MYOF: variants seen among roughly 807,000 people sequenced by gnomAD.
The protein encoded by MYOF is fer-1-like 3, myoferlin.
In MYOF, 244 loss-of-function variants were observed where a neutral mutation model predicts 284.2. The observed-to-expected ratio is 0.86, with a 90% CI of 0.77 to 0.95. MYOF has a LOEUF of 0.95. Among genes scored for constraint, MYOF ranks in the 40% least tolerant of loss-of-function variants. The pLI is 0.00. For synonymous variants in MYOF, 904 were observed against 919.7 expected (o/e 0.98, Z 0.31); for missense variants, 2,496 against 2,560.6 (o/e 0.97, Z 0.54).
At position 93,353,868 on chromosome 10, in the gene MYOF, G is replaced by A. The variant is rs543442746; in HGVS notation, c.3424C>T (p.Arg1142Cys). 1.9e-5 allele frequency: 30 copies of A among 1,609,262 alleles called. No individual in the cohort carries two copies. The highest frequency in any genetic ancestry group is 4.5e-5 in the East Asian group (2 of 44,750). Reference sequence around the variant, plus strand: ...TTTCTGGCTTGATAGACATAGCAGCGCAGATGGTAGATGTAGACTCCTAAA... The same window carrying A: ...TTTCTGGCTTGATAGACATAGCAGCACAGATGGTAGATGTAGACTCCTAAA... ...NFDRVYIYHL[R>C]CYVYQARNLL... The change falls in exon 32 of 54, where the codon CGC becomes TGC. Residue 1142 changes from arginine to cysteine, a missense_variant. Transcript: ENST00000359263.
intron 5 of MYOF, among the ~76,000 whole-genome samples, chr10:93,422,144 C>T (rs1848381555): frequency 6.6e-6 from 1 of 152,212 alleles, no homozygotes; most frequent in African/African-American, 2.4e-5. Context: ...ATAGAAATTT[C>T]ACTCTGTCAT....
chr10:93,418,317 C>A (rs975634708), intron 5 of MYOF, among the ~76,000 whole-genome samples: 1 of 152,160 alleles, frequency 6.6e-6, no homozygotes, highest in Admixed American at 6.6e-5. Flanking sequence ...GGAGATAACA[C>A]ATTTTCTTAG....
chr10:93,416,509 C>T (rs1395643590), intron 5 of MYOF, among the ~76,000 whole-genome samples: 1 of 151,662 alleles, frequency 6.6e-6, no homozygotes, highest in Admixed American at 6.6e-5. Context: ...GGCAACAGAG[C>T]GAGACTCCAT....
At chr10:93,440,143 G>A (rs1239415002) in intron 3 of MYOF, among the ~76,000 whole-genome samples, 1 of 152,212 alleles carries the variant, frequency 6.6e-6, no homozygotes, top group African/African-American at 2.4e-5. Flanking sequence ...GCTGGGTGCA[G>A]TGGCTCATGC....
chr10:93,448,712 G>C (rs2056506937), intron 3 of MYOF, among the ~76,000 whole-genome samples: 1 of 152,104 alleles, frequency 6.6e-6, no homozygotes, highest in African/African-American at 2.4e-5. Context: ...AGGCAAGAGG[G>C]AGCTGGGTGC....
chr10:93,356,639 C>T (rs149830177), intron 30 of MYOF, 36 bp downstream of exon 30: 33 of 1,590,800 alleles, frequency 2.1e-5, no homozygotes, highest in Non-Finnish European at 2.5e-5. Flanking sequence ...TTTCTCTACA[C>T]CAATATGATC....
At position 93,426,091 on chromosome 10, in the gene MYOF, G is replaced by A; in HGVS notation, c.413C>T (p.Pro138Leu). The change falls in exon 5 of 54, where the codon CCC becomes CTC. Residue 138 changes from proline to leucine, a missense_variant. By Grantham distance (98) the Pro-to-Leu change is moderately conservative. Around this residue, in one of 3 missense-constraint regions of MYOF, gnomAD observed 2,436 missense variants for 2,480.7 expected, o/e 0.98. Transcript: ENST00000359263. ...CTTACCTCCCATGCCTGGCACGCTG[G>A]GCCCGCTCAGGTCATTTGGATGTGG... ...SAPHPNDLSG[P>L]SVPGMGGDGE... 1 of 1,558,212 alleles carries A rather than the reference G, an allele frequency of 6.4e-7. No homozygotes were observed. The highest frequency in any genetic ancestry group is 1.2e-5 in the South Asian group (1 of 84,496).
At chr10:93,435,392 AC>A (rs1044774873) in intron 3 of MYOF, among the ~76,000 whole-genome samples, 1 of 152,206 alleles carries the variant, frequency 6.6e-6, no homozygotes, top group Middle Eastern at 3.2e-3. Flanking sequence ...TCAGCTAGAT[AC>A]CATTTGTGAT....
At position 93,351,484 on chromosome 10, in the gene MYOF, G is replaced by A. The variant is rs201019922; in HGVS notation, c.3751C>T (p.His1251Tyr). 1.4e-5 allele frequency: 23 copies of A among 1,614,110 alleles called. No individual in the cohort carries two copies. Among genetic ancestry groups the A allele is most frequent in the Non-Finnish European group, 1.9e-5 (22 of 1,180,040 alleles). The change falls in exon 34 of 54, where the codon CAC (histidine) becomes TAC (tyrosine). Residue 1251 changes from histidine (H) to tyrosine (Y), a missense_variant. This residue lies in a region of MYOF where 2,436 missense variants were observed against 2,480.7 expected (regional missense o/e 0.98). Coordinates refer to ENST00000359263, the MANE Select transcript of MYOF (RefSeq NM_013451.4). Reference protein sequence around the residue: ...EMDITPKLLWHPVMNGDKACG... With the variant: ...EMDITPKLLWYPVMNGDKACG... ...GCTTTGTCTCCATTCATTACTGGGTGCCAGAGAAGTTTGGGTGTGATGTCC... is the reference window on the plus strand; with the variant it reads ...GCTTTGTCTCCATTCATTACTGGGTACCAGAGAAGTTTGGGTGTGATGTCC...
In MYOF at chr10:93,363,960, C is replaced by G. The variant is rs1173778713; in HGVS notation, c.2868+1G>C. ...GTTTCTCTCCGGAGCAGGCCACTCA[C>G]CGCATCCGTGTAGGTGTCCTCGGCC... On this transcript the variant is annotated splice_donor_variant, in intron 27 of 53. Coordinates refer to ENST00000359263, the MANE Select transcript of MYOF (RefSeq NM_013451.4). LOFTEE classifies it high-confidence loss of function. 6.2e-7 allele frequency: 1 copy of G among 1,613,860 alleles called. No homozygotes were observed. The highest frequency in any genetic ancestry group is 1.1e-5 in the South Asian group (1 of 91,046).
Position 93,387,868 on chromosome 10 carries a change from T to C in MYOF, c.1627A>G (p.Thr543Ala), listed in dbSNP as rs1472723983. ...TCTGGTGGTGTCTTCTCAAGAAAAGTGGCTAATTCAACCAAGATCCTGCCT... is the reference window on the plus strand; with the variant it reads ...TCTGGTGGTGTCTTCTCAAGAAAAGCGGCTAATTCAACCAAGATCCTGCCT... Reference protein sequence around the residue: ...YRGRILVELATFLEKTPPDKK... With the variant: ...YRGRILVELAAFLEKTPPDKK... Residue 543 changes from threonine to alanine, a missense_variant, in exon 19 of 54, where the codon ACT (threonine) becomes GCT (alanine). Physicochemically the swap from Thr to Ala is moderately conservative, Grantham distance 58 (BLOSUM62 0). Around this residue, in one of 3 missense-constraint regions of MYOF, gnomAD observed 2,436 missense variants for 2,480.7 expected, o/e 0.98. Coordinates refer to ENST00000359263, the MANE Select transcript of MYOF (RefSeq NM_013451.4). 2 of 1,614,156 alleles carry C rather than the reference T, an allele frequency of 1.2e-6. No homozygotes were observed. Among genetic ancestry groups the C allele is most frequent in the Non-Finnish European group, 1.7e-6 (2 of 1,180,026 alleles).
At chr10:93,452,207 T>C in intron 2 of MYOF, 66 bp from the exon 3 acceptor site, 2 of 969,378 alleles carry the variant, frequency 2.1e-6, no homozygotes, top group Non-Finnish European at 3.3e-6. Context: ...GAGATTACAC[T>C]AAGATGCACC....
In MYOF at chr10:93,351,519, T is replaced by C. The variant is rs761564062; in HGVS notation, c.3716A>G (p.Asn1239Ser). Reference sequence around the variant, plus strand: ...TTTGGGTGTGATGTCCATTTCTGAGTTCAGTTTCACCACAGGAGAGAAAAT... The same window carrying C: ...TTTGGGTGTGATGTCCATTTCTGAGCTCAGTTTCACCACAGGAGAGAAAAT... ...RSIFSPVVKLNSEMDITPKLL... is the reference protein window; with the variant it reads ...RSIFSPVVKLSSEMDITPKLL... The change falls in exon 34 of 54, where the codon AAC becomes AGC. Residue 1239 changes from asparagine to serine, a missense_variant. Transcript: ENST00000359263. 6.8e-6 allele frequency: 11 copies of C among 1,614,176 alleles called. No homozygotes were observed. Among genetic ancestry groups the C allele is most frequent in the Non-Finnish European group, 9.3e-6 (11 of 1,180,018 alleles).
intron 35 of MYOF, 141 bp downstream of exon 35, chr10:93,351,056 C>A (rs940890655): frequency 2.3e-6 from 2 of 852,904 alleles, no homozygotes; most frequent in South Asian, 1.6e-5. Context: ...CCCATGAATA[C>A]CTCCAGTTTT....
In MYOF at chr10:93,361,485, A is replaced by C; in HGVS notation, c.2941T>G (p.Ser981Ala). ...PGWEWEDDAW[S>A]YDINRAVDEK... ...TCCACCGCTCGATTTATGTCATAAGACCATGCATCATCTTCCCATTCCCAA... is the reference window on the plus strand; with the variant it reads ...TCCACCGCTCGATTTATGTCATAAGCCCATGCATCATCTTCCCATTCCCAA... The change falls in exon 28 of 54, where the codon TCT (serine) becomes GCT (alanine). Residue 981 changes from serine to alanine, a missense_variant. Coordinates refer to ENST00000359263, the MANE Select transcript of MYOF (RefSeq NM_013451.4). 6.2e-7 allele frequency: 1 copy of C among 1,614,162 alleles called. No homozygotes were observed. Among genetic ancestry groups the C allele is most frequent in the Non-Finnish European group, 8.5e-7 (1 of 1,180,024 alleles).
intron 38 of MYOF, chr10:93,341,914 T>G (rs942781406): frequency 7.8e-7 from 1 of 1,289,756 alleles, no homozygotes; most frequent in Non-Finnish European, 1.0e-6. Context: ...CATACATACA[T>G]GCACTGTCGC....
rs557951217 is a variant in MYOF, at chr10:93,396,220, G to A, written c.1339C>T (p.Arg447Cys). 2.1e-5 allele frequency: 34 copies of A among 1,583,076 alleles called. No homozygotes were observed. Among genetic ancestry groups the A allele is most frequent in the South Asian group, 1.5e-4 (13 of 84,068 alleles). ...CCAACTACATCATTTTTAGTAAGAC[G>A]GTCCCTGTGTAAAAAATAAAAATAA... ...KIKLTIYDWD[R>C]LTKNDVVGTT... Residue 447 changes from arginine (R) to cysteine (C), a missense_variant, in exon 16 of 54, where the codon CGT becomes TGT. Arg to Cys is a radical substitution (Grantham distance 180). Around this residue, in one of 3 missense-constraint regions of MYOF, gnomAD observed 2,436 missense variants for 2,480.7 expected, o/e 0.98. Coordinates refer to ENST00000359263, the MANE Select transcript of MYOF (RefSeq NM_013451.4).
intron 43 of MYOF, 94 bp downstream of exon 43, chr10:93,333,127 C>T (rs777092697): frequency 1.7e-4 from 179 of 1,044,170 alleles, no homozygotes; most frequent in Non-Finnish European, 2.6e-4. Flanking sequence ...AACACAGTTT[C>T]AGAGCCTAGG....
chr10:93,346,381 A>G (rs1844184252), intron 37 of MYOF, among the ~76,000 whole-genome samples: 1 of 152,230 alleles, frequency 6.6e-6, no homozygotes, highest in South Asian at 2.1e-4. Flanking sequence ...TTCAGTCTTG[A>G]AGCCACCAAG....
Sources: gnomAD v4.1 joint callset for allele counts (sites outside exome capture counted in the v4.1 genomes callset) on GRCh38, gnomAD v4.1.1 for gene constraint, gnomAD v4.1.1 regional missense constraint, MANE v1.5 for transcripts, NCBI Gene and HGNC (gene_info 2026-07-23, HGNC 2026-07-21) for gene names.